PC: variants seen among roughly 807,000 people sequenced by gnomAD.
PC encodes the protein pyruvate carboxylase.
In PC, 46 loss-of-function variants were observed where a neutral mutation model predicts 107.8. The ratio of observed to expected loss-of-function variants is 0.43; its 90% confidence interval spans 0.34 to 0.55. The LOEUF (loss-of-function observed/expected upper bound fraction) is 0.55. Among genes scored for constraint, PC ranks in the 20% least tolerant of loss-of-function variants. PC has a pLI of 0.04. For synonymous variants in PC, 662 were observed against 684.7 expected (o/e 0.97, Z 0.52); for missense variants, 1,241 against 1,643.1 (o/e 0.76, Z 4.23).
intron 3 of PC, among the ~76,000 whole-genome samples, chr11:66,942,399 C>CAAAAAA (rs577741732): frequency 1.6e-4 from 14 of 86,998 alleles, no homozygotes; most frequent in African/African-American, 5.6e-4. Flanking sequence ...GACTCCATCT[C>CAAAAAA]AAAAAAAAAA....
chr11:66,885,768 G>A (rs1468318542), intron 3 of PC, among the ~76,000 whole-genome samples: 1 of 152,116 alleles, frequency 6.6e-6, no homozygotes, highest in African/African-American at 2.4e-5. Context: ...GAGAGAGCAC[G>A]GCCCTGCTCA....
Position 66,859,754 on chromosome 11 carries a change from C to G in PC, c.1368+4020G>C, listed in dbSNP as rs201403726. On this transcript the variant is annotated intron_variant, in intron 12 of 22. Coordinates refer to ENST00000393960, the MANE Select transcript of PC (RefSeq NM_001040716.2). Reference sequence around the variant, plus strand: ...CTGGGCCCTCTGACCTCACGGCCACCAGGCTGCTGGGCTGTGCCCATTTCT... The same window carrying G: ...CTGGGCCCTCTGACCTCACGGCCACGAGGCTGCTGGGCTGTGCCCATTTCT... 1.5e-4 allele frequency: 243 copies of G among 1,608,688 alleles called. 2 individuals carry two copies. In the South Asian group the frequency reaches 2.2e-3, roughly 15 times the overall value.
chr11:66,860,669 C>T (rs1326805137), intron 12 of PC: 1 of 701,574 alleles, frequency 1.4e-6, no homozygotes, highest in Non-Finnish European at 2.6e-6. Flanking sequence ...TGTCTTCTGA[C>T]CTGCAAGAGC....
At chr11:66,849,907 C>G (rs759483527) in intron 20 of PC, 30 bp downstream of exon 20, 2 of 1,613,498 alleles carry the variant, frequency 1.2e-6, no homozygotes, top group Admixed American at 1.7e-5. Flanking sequence ...ATCCAGCCCC[C>G]ACCCTCACAC....
At position 66,858,179 on chromosome 11, in the gene PC, G is replaced by C. The variant is rs1419024400; in HGVS notation, c.1369-4796C>G. ...CGGGAGCCTTCGACGACTTCCTAGA[G>C]AGCCTGGAGGACCTGGACCTGTCCT... is the stretch of plus-strand genomic sequence containing the variant. On this transcript the variant is annotated intron_variant, in intron 12 of 22. Transcript: ENST00000393960. This position sits in a 1 kb window ranked among gnomAD's most constrained non-coding sequence, Gnocchi z 5.9. The C allele has an allele frequency of 6.2e-7, 1 of 1,611,578 alleles. No individual in the cohort carries two copies. The highest frequency in any genetic ancestry group is 8.5e-7 in the Non-Finnish European group (1 of 1,179,250).
intron 3 of PC, among the ~76,000 whole-genome samples, chr11:66,901,480 T>C (rs1210418329): frequency 6.6e-6 from 1 of 152,150 alleles, no homozygotes; most frequent in African/African-American, 2.4e-5. Context: ...TTTATTTATT[T>C]TTTTTTGGAG....
At chr11:66,859,170 TC>T in intron 12 of PC, 1 of 1,428,194 alleles carries the variant, frequency 7.0e-7, no homozygotes, top group Non-Finnish European at 9.2e-7. Context: ...AGGCTTTGCT[TC>T]CACCCCTCCT....
chr11:66,905,326 TGTGTGA>T (rs1489655814), intron 3 of PC, among the ~76,000 whole-genome samples: 3 of 152,202 alleles, frequency 2.0e-5, no homozygotes, highest in African/African-American at 7.2e-5. Flanking sequence ...CAACGCCTGC[TGTGTGA>T]GTGCACTGGG....
chr11:66,858,837 G>C lies in PC; in HGVS notation c.1368+4937C>G. ...TGCTGGTGAGGCCACAGCCCGAGTAGAACTGCGGGTGCTGGCCTTGCCCCA... is the reference window on the plus strand; with the variant it reads ...TGCTGGTGAGGCCACAGCCCGAGTACAACTGCGGGTGCTGGCCTTGCCCCA... On this transcript the variant is annotated intron_variant, in intron 12 of 22. Coordinates refer to ENST00000393960, the MANE Select transcript of PC (RefSeq NM_001040716.2). The surrounding 1 kb of genome is among the most constrained non-coding windows in gnomAD (Gnocchi z 5.9). The C allele has an allele frequency of 2.6e-6, 4 of 1,551,880 alleles. No individual in the cohort carries two copies. The highest frequency in any genetic ancestry group is 3.5e-6 in the Non-Finnish European group (4 of 1,149,156).
Position 66,858,623 on chromosome 11 carries a change from G to A in PC, c.1368+5151C>T, listed in dbSNP as rs1160366676. 2 of 1,536,792 alleles carry A rather than the reference G, an allele frequency of 1.3e-6. No homozygotes were observed. Among genetic ancestry groups the A allele is most frequent in the Non-Finnish European group, 1.7e-6 (2 of 1,143,944 alleles). ...GCCACACGCAGCGCCTCTGGGTGCT[G>A]GAAGGCCAGCGGGCCACGCTGCGGT... On this transcript the variant is annotated intron_variant, in intron 12 of 22. Coordinates refer to ENST00000393960, the MANE Select transcript of PC (RefSeq NM_001040716.2). The surrounding 1 kb of genome is among the most constrained non-coding windows in gnomAD (Gnocchi z 5.9).
In PC at chr11:66,857,236, G is replaced by T. The variant is rs1424234835; in HGVS notation, c.1369-3853C>A. 6.7e-6 allele frequency: 1 copy of T among 148,896 alleles called. No individual in the cohort carries two copies. Among genetic ancestry groups the T allele is most frequent in the Non-Finnish European group, 1.5e-5 (1 of 66,528 alleles). The allele number at this position is 148,896 out of a possible 1,614,324, so 9.2% of individuals were successfully genotyped here. On this transcript the variant is annotated intron_variant, in intron 12 of 22. Coordinates refer to ENST00000393960, the MANE Select transcript of PC (RefSeq NM_001040716.2). The surrounding 1 kb of genome is among the most constrained non-coding windows in gnomAD (Gnocchi z 7.1). ...CCCCGCGGGAGAGCGGCCAGGAGTC[G>T]GCGGGGGCCGGCCGGGCTCGCAGGG...
chr11:66,860,206 GCTTCCT>G (rs768843553), intron 12 of PC: 134 of 1,542,320 alleles, frequency 8.7e-5, no homozygotes, highest in Non-Finnish European at 1.2e-4. Flanking sequence ...TGGACGGGCA[GCTTCCT>G]GTGTGCTCCA....
chr11:66,851,565 C>T (rs530471866), intron 16 of PC, among the ~76,000 whole-genome samples: 1 of 152,344 alleles, frequency 6.6e-6, no homozygotes, highest in East Asian at 1.9e-4. Context: ...AGGCAAGTCT[C>T]AGACCTTCCA....
rs765849372 is a variant in PC at position 66,850,136 on chromosome 11, G to A, written c.2719-20C>T. On this transcript the variant is annotated intron_variant, in intron 19 of 22. Transcript: ENST00000393960. The stretch of plus-strand genomic sequence containing the variant: ...CGTCACCTGAGGAGAAGGCCCTGGA[G>A]GTTAGGGTGCCAGGCACCTCAAGGA... 4.3e-6 allele frequency: 7 copies of A among 1,613,820 alleles called. No individual in the cohort carries two copies. In the South Asian group the frequency reaches 6.6e-5, roughly 15 times the overall value.
chr11:66,914,329 T>A lies in PC; in HGVS notation c.-1+38101A>T, dbSNP rs190071795. On this transcript the variant is annotated intron_variant, in intron 3 of 22. Coordinates refer to ENST00000393960, the MANE Select transcript of PC (RefSeq NM_001040716.2). ...GAGTTCGAGACCAGCCTGGCCAATA[T>A]GGTGAAACCCCGTCTCTACTAAAAA... Among the ~76,000 whole-genome samples, 285 of 152,116 alleles carry A rather than the reference T, an allele frequency of 1.9e-3. 1 individual carries two copies. Among genetic ancestry groups the A allele is most frequent in the African/African-American group, 6.7e-3 (277 of 41,508 alleles).
Position 66,851,487 on chromosome 11 carries a change from T to C in PC, c.1983-207A>G, listed in dbSNP as rs528235388. ...GATCAGCTAGGCCAGTGGCAGGCTG[T>C]GGAAGAGGGTACTGAGCAAGGAGTC... On this transcript the variant is annotated intron_variant, in intron 16 of 22. Transcript: ENST00000393960. Among the ~76,000 whole-genome samples, 18 of 152,250 alleles carry C rather than the reference T, an allele frequency of 1.2e-4. No individual in the cohort carries two copies. In the East Asian group the frequency reaches 3.3e-3, roughly 28 times the overall value.
chr11:66,956,785 G>A (rs1356387800), intron 1 of PC, among the ~76,000 whole-genome samples: 2 of 152,136 alleles, frequency 1.3e-5, no homozygotes, highest in African/African-American at 4.8e-5. Flanking sequence ...GGTTTGCTGT[G>A]ATTTACTGGC....
In PC at chr11:66,858,040, G is replaced by A. The variant is rs1245295703; in HGVS notation, c.1369-4657C>T. 1.9e-6 allele frequency: 3 copies of A among 1,611,354 alleles called. No homozygotes were observed. The highest frequency in any genetic ancestry group is 1.7e-4 in the Middle Eastern group (1 of 6,058). On this transcript the variant is annotated intron_variant, in intron 12 of 22. Transcript: ENST00000393960. The surrounding 1 kb of genome is among the most constrained non-coding windows in gnomAD (Gnocchi z 5.9). ...GCCTTTGGGGACCTCGAGAGCCTGCGTTCCCTCCACCTTGACGGCAACAGG... is the reference window on the plus strand; with the variant it reads ...GCCTTTGGGGACCTCGAGAGCCTGCATTCCCTCCACCTTGACGGCAACAGG...
chr11:66,851,791 TGAA>T lies in PC; in HGVS notation c.1978_1980del (p.Phe660del). On this transcript the variant is annotated inframe_deletion and splice_region_variant, in exon 16 of 23. Coordinates refer to ENST00000393960, the MANE Select transcript of PC (RefSeq NM_001040716.2). ...CTGCCCACCCCACCCCAGGCTCACT[TGAA>T]GACCACGTTGTCTGGGTAGTTGGTG... 6.2e-7 allele frequency: 1 copy of T among 1,614,142 alleles called. No homozygotes were observed. Among genetic ancestry groups the T allele is most frequent in the Non-Finnish European group, 8.5e-7 (1 of 1,179,986 alleles).
Sources: gnomAD v4.1 joint callset for allele counts (sites outside exome capture counted in the v4.1 genomes callset) on GRCh38, gnomAD v4.1.1 for gene constraint, Gnocchi (gnomAD v3.1) non-coding constraint, MANE v1.5 for transcripts, NCBI Gene and HGNC (gene_info 2026-07-23, HGNC 2026-07-21) for gene names.